The following SFSWAP variants were observed in gnomAD, a reference collection of about 807,000 sequenced individuals.
SFSWAP encodes the protein splicing factor, suppressor of white-apricot homolog.
SFSWAP carries 17 observed loss-of-function variants against 100.7 expected under a neutral mutation model. The ratio of observed to expected loss-of-function variants is 0.17; its 90% CI spans 0.12 to 0.25. SFSWAP has a LOEUF of 0.25. SFSWAP is among the 10% of genes least tolerant of loss of function. The probability of loss-of-function intolerance (pLI) is 1.00; values close to 1 mark genes in which losing one functional copy is unlikely to be tolerated. For missense variants in SFSWAP, 1,005 were observed against 1,262.6 expected (o/e 0.80, Z 3.09); for synonymous variants, 504 against 510.1 (o/e 0.99, Z 0.16).
rs1884242900 is a variant in SFSWAP at position 131,778,955 on chromosome 12, C to G, written c.2408+625C>G. Reference sequence around the variant, plus strand: ...ATTCACAGGGTGGTGTGCTGGGGGTCTTTTGTTTTATTTGTATAAGTGAAG... The same window carrying G: ...ATTCACAGGGTGGTGTGCTGGGGGTGTTTTGTTTTATTTGTATAAGTGAAG... On this transcript the variant is annotated intron_variant, in intron 14 of 17. Coordinates refer to ENST00000261674, the MANE Select transcript of SFSWAP (RefSeq NM_004592.4). The surrounding 1 kb of genome is among the most constrained non-coding windows in gnomAD (Gnocchi z 4.2). Among the ~76,000 whole-genome samples, 1 of 151,724 alleles carries G rather than the reference C, an allele frequency of 6.6e-6. No individual in the cohort carries two copies. The highest frequency in any genetic ancestry group is 6.6e-5 in the Admixed American group (1 of 15,260).
Position 131,725,583 on chromosome 12 carries a change from A to T in SFSWAP, c.785A>T (p.Glu262Val). The stretch of plus-strand genomic sequence containing the variant: ...AAGTTCATCCAGAAAGCCATGAAAG[A>T]GGGACGCTACACTGTCCTGGCAGAA... Reference protein sequence around the residue: ...YYKFIQKAMKEGRYTVLAENK... With the variant: ...YYKFIQKAMKVGRYTVLAENK... The change falls in exon 5 of 18, where the codon GAG (glutamate) becomes GTG (valine). Residue 262 changes from glutamate to valine, a missense_variant. Physicochemically the swap from Glu to Val is moderately radical, Grantham distance 121. Transcript: ENST00000261674. This position sits in a 1 kb window ranked among gnomAD's most constrained non-coding sequence, Gnocchi z 4.3. 15 of 1,614,178 alleles carry T rather than the reference A, an allele frequency of 9.3e-6. No homozygotes were observed. The highest frequency in any genetic ancestry group is 1.3e-5 in the Non-Finnish European group (15 of 1,180,038).
rs766043655 is a variant in SFSWAP, at chr12:131,754,400, C to T, written c.1355C>T (p.Pro452Leu). Residue 452 changes from proline (P) to leucine (L), a missense_variant, in exon 9 of 18, where the codon CCG (proline) becomes CTG (leucine). Physicochemically the swap from Pro to Leu is moderately conservative, Grantham distance 98. This residue lies in a region of SFSWAP where 311 missense variants were observed against 317.8 expected (regional missense o/e 0.98). Transcript: ENST00000261674. Reference sequence around the variant, plus strand: ...GCCCCCGTGGCCGCCATCATCCCCCCGCCCCCCGACGTCCAGCCCGTGATT... The same window carrying T: ...GCCCCCGTGGCCGCCATCATCCCCCTGCCCCCCGACGTCCAGCCCGTGATT... The part of the protein sequence containing the change: ...ALAPVAAIIP[P>L]PPDVQPVIDK... 1 of 1,595,002 alleles carries T rather than the reference C, an allele frequency of 6.3e-7. No homozygotes were observed. Among genetic ancestry groups the T allele is most frequent in the Non-Finnish European group, 8.5e-7 (1 of 1,172,970 alleles).
intron 4 of SFSWAP, among the ~76,000 whole-genome samples, chr12:131,724,972 C>A (rs113018103): frequency 0.015 from 2,321 of 152,264 alleles, 60 homozygotes; most frequent in African/African-American, 0.051. Context: ...AGCTGTGAAA[C>A]CTAGTCCCCG....
intron 15 of SFSWAP, among the ~76,000 whole-genome samples, chr12:131,791,957 C>T (rs569212653): frequency 7.3e-5 from 11 of 151,126 alleles, no homozygotes; most frequent in African/African-American, 2.2e-4. Context: ...TGTGTGCACA[C>T]GTGTGTGTTC....
Position 131,797,367 on chromosome 12 carries a change from CCT to C in SFSWAP, c.2717+8_2717+9del, listed in dbSNP as rs919287390. The C allele has an allele frequency of 1.3e-6, 2 of 1,599,472 alleles. No individual in the cohort carries two copies. Among genetic ancestry groups the C allele is most frequent in the Non-Finnish European group, 8.5e-7 (1 of 1,172,722 alleles). On this transcript the variant is annotated splice_region_variant and intron_variant, in intron 16 of 17. Coordinates refer to ENST00000261674, the MANE Select transcript of SFSWAP (RefSeq NM_004592.4). ...CCAGCCAGGAGCGCTCCAGGTAACC[CCT>C]GTCCTCCAGCAGCTCTCTCTGGGGA...
Position 131,791,778 on chromosome 12 carries a change from T to C in SFSWAP, c.2534+5190T>C, listed in dbSNP as rs368362922. Among the ~76,000 whole-genome samples the C allele has an allele frequency of 5.6e-4, 86 of 152,360 alleles. 1 individual carries two copies. The South Asian group carries it at 0.016, about 28-fold the overall frequency. ...AGAAAGAAAGAAGGGATACTCTTTT[T>C]TAAAAAATAGATGAAGGAACACTTC... On this transcript the variant is annotated intron_variant, in intron 15 of 17. Transcript: ENST00000261674.
intron 13 of SFSWAP, among the ~76,000 whole-genome samples, chr12:131,770,462 A>G (rs1040909324): frequency 6.6e-6 from 1 of 152,208 alleles, no homozygotes; most frequent in Non-Finnish European, 1.5e-5. Flanking sequence ...CTGTCACCTT[A>G]AAGTTAACTG....
intron 13 of SFSWAP, among the ~76,000 whole-genome samples, chr12:131,771,650 C>CT (rs398021691): frequency 0.023 from 1,946 of 85,988 alleles, 108 homozygotes; most frequent in African/African-American, 0.061. Flanking sequence ...GCTAATGTCT[C>CT]TTTTTTTTTT....
chr12:131,732,873 T>C (rs1038042503), intron 7 of SFSWAP, among the ~76,000 whole-genome samples: 2 of 151,812 alleles, frequency 1.3e-5, no homozygotes, highest in East Asian at 2.0e-4. Flanking sequence ...TCTGGAAAAT[T>C]ACTAACATTA....
chr12:131,797,029 A>G lies in SFSWAP; in HGVS notation c.2535-149A>G, dbSNP rs1338548330. On this transcript the variant is annotated intron_variant, in intron 15 of 17. Coordinates refer to ENST00000261674, the MANE Select transcript of SFSWAP (RefSeq NM_004592.4). The stretch of plus-strand genomic sequence containing the variant: ...TCAGTTAAATGAAATAAGTAGCTTT[A>G]AGAGAAGTTAATGGGTTTGGAGTGG... The G allele has an allele frequency of 9.0e-6, 6 of 665,450 alleles. No individual in the cohort carries two copies. In the Admixed American group the frequency reaches 1.5e-4, roughly 16 times the overall value. The allele number at this position is 665,450 out of a possible 1,614,324, so 41.2% of individuals were successfully genotyped here.
At position 131,766,103 on chromosome 12, in the gene SFSWAP, T is replaced by C. The variant is rs1334931023; in HGVS notation, c.1952-15T>C. ...TTGCTCTAAACTTCTCTTTTTTCTT[T>C]GTTTATTCCTTAAGCAAAGCAAAAG... On this transcript the variant is annotated splice_polypyrimidine_tract_variant and intron_variant, in intron 12 of 17. Coordinates refer to ENST00000261674, the MANE Select transcript of SFSWAP (RefSeq NM_004592.4). 2 of 1,579,394 alleles carry C rather than the reference T, an allele frequency of 1.3e-6. No homozygotes were observed. The highest frequency in any genetic ancestry group is 2.0e-5 in the Admixed American group (1 of 49,584).
At position 131,729,630 on chromosome 12, in the gene SFSWAP, CAGG is replaced by C. The variant is rs1369028646; in HGVS notation, c.1081+1205_1081+1207del. Among the ~76,000 whole-genome samples the C allele has an allele frequency of 8.5e-5, 13 of 152,300 alleles. No homozygotes were observed. In the East Asian group the frequency reaches 2.3e-3, roughly 27 times the overall value. On this transcript the variant is annotated intron_variant, in intron 7 of 17. Coordinates refer to ENST00000261674, the MANE Select transcript of SFSWAP (RefSeq NM_004592.4). ...TAAAGGTAAGTCTTGAAGGTCCATG[CAGG>C]AGATCATTTGAAAGTGTTTGACGTT...
intron 12 of SFSWAP, among the ~76,000 whole-genome samples, chr12:131,765,044 C>T (rs1173208675): frequency 6.6e-6 from 1 of 152,230 alleles, no homozygotes; most frequent in Non-Finnish European, 1.5e-5. Flanking sequence ...AGGAACCAAA[C>T]TAGGAGATGC....
At chr12:131,755,187 G>A (rs1371009768) in intron 9 of SFSWAP, among the ~76,000 whole-genome samples, 199 bp from the exon 10 acceptor site, 1 of 152,138 alleles carries the variant, frequency 6.6e-6, no homozygotes, top group Non-Finnish European at 1.5e-5. Context: ...TGTCACATTT[G>A]CAGCGTGACC....
At chr12:131,756,359 G>A in intron 10 of SFSWAP, 114 bp from the exon 11 acceptor site, 1 of 850,386 alleles carries the variant, frequency 1.2e-6, no homozygotes, top group South Asian at 1.6e-5. Flanking sequence ...TGCTGCTTGG[G>A]CAGTAATGTA....
At position 131,778,334 on chromosome 12, in the gene SFSWAP, G is replaced by T. The variant is rs1372779729; in HGVS notation, c.2408+4G>T. The T allele has an allele frequency of 6.2e-7, 1 of 1,610,512 alleles. No individual in the cohort carries two copies. On this transcript the variant is annotated splice_donor_region_variant and intron_variant, in intron 14 of 17. Coordinates refer to ENST00000261674, the MANE Select transcript of SFSWAP (RefSeq NM_004592.4). This position sits in a 1 kb window ranked among gnomAD's most constrained non-coding sequence, Gnocchi z 4.2. ...ATCGGACAGTGCGGCGGTCGAGGTG[G>T]GTGTGAAGGGGGCAGCACCTCTGGT... is the stretch of plus-strand genomic sequence containing the variant.
intron 7 of SFSWAP, among the ~76,000 whole-genome samples, chr12:131,750,885 G>T (rs1481788119): frequency 6.9e-6 from 1 of 145,286 alleles, no homozygotes; most frequent in Non-Finnish European, 1.6e-5. Flanking sequence ...TGGAGATGGG[G>T]TCTGATGGTA....
chr12:131,789,746 A>G (rs1349276747), intron 15 of SFSWAP, among the ~76,000 whole-genome samples: 4 of 151,454 alleles, frequency 2.6e-5, no homozygotes, highest in Non-Finnish European at 5.9e-5. Flanking sequence ...ATGGTCCCAC[A>G]GTTGGGCTTC....
chr12:131,725,274 C>T lies in SFSWAP; in HGVS notation c.607-131C>T. The T allele has an allele frequency of 1.3e-6, 1 of 786,604 alleles. No homozygotes were observed. The highest frequency in any genetic ancestry group is 2.1e-6 in the Non-Finnish European group (1 of 475,486). 48.7% of individuals were successfully genotyped at this position (786,604 alleles called of 1,614,324 possible). On this transcript the variant is annotated intron_variant, in intron 4 of 17. Transcript: ENST00000261674. This position sits in a 1 kb window ranked among gnomAD's most constrained non-coding sequence, Gnocchi z 4.3. ...ATGAGGAGTCCGAACAGCCTGGGCT[C>T]TTCCAGCTTAAAGTCTCGTATCTCT...
Sources: allele counts gnomAD v4.1 joint callset (sites outside exome capture counted in the v4.1 genomes callset), GRCh38; gene constraint gnomAD v4.1.1; regional missense constraint gnomAD v4.1.1; non-coding constraint Gnocchi (gnomAD v3.1); transcripts MANE v1.5; gene names NCBI Gene and HGNC (gene_info 2026-07-23, HGNC 2026-07-21).